The following TMEM266 variants were observed in gnomAD, a reference collection of about 807,000 sequenced individuals.
TMEM266 encodes Hv1 related protein 1.
TMEM266 carries 33 observed loss-of-function variants against 50.5 expected under a neutral mutation model. That is an observed-to-expected ratio of 0.65 (90% CI 0.50 to 0.87). The LOEUF is 0.87. TMEM266 is among the 40% of genes least tolerant of loss of function. The probability of loss-of-function intolerance (pLI) is 0.00; values close to 1 mark genes in which losing one functional copy is unlikely to be tolerated. For missense variants in TMEM266, 655 were observed against 695.1 expected (o/e 0.94, Z 0.65); for synonymous variants, 310 against 292.3 (o/e 1.06, Z -0.62).
At chr15:76,152,580 C>G (rs996845647) in intron 3 of TMEM266, among the ~76,000 whole-genome samples, 1 of 152,194 alleles carries the variant, frequency 6.6e-6, no homozygotes, top group African/African-American at 2.4e-5. Context: ...GTTTCTCATA[C>G]TGGAGGTACT....
chr15:76,144,086 A>T (rs927373708), intron 3 of TMEM266, among the ~76,000 whole-genome samples: 1 of 152,168 alleles, frequency 6.6e-6, no homozygotes, highest in African/African-American at 2.4e-5. Context: ...CAGCACTCAG[A>T]TCCAGCCTGA....
chr15:76,185,737 T>C (rs535346361), intron 8 of TMEM266, among the ~76,000 whole-genome samples: 1 of 152,338 alleles, frequency 6.6e-6, no homozygotes, highest in East Asian at 1.9e-4. Flanking sequence ...GTTATCCTTC[T>C]CTGAAGAGAT....
intron 7 of TMEM266, among the ~76,000 whole-genome samples, chr15:76,172,355 G>T (rs573569913): frequency 9.6e-4 from 146 of 152,350 alleles, no homozygotes; most frequent in Non-Finnish European, 1.7e-3. Flanking sequence ...CTGGAGCACG[G>T]TTTTAAAACC....
At chr15:76,184,251 A>AT (rs982418373) in intron 8 of TMEM266, among the ~76,000 whole-genome samples, 41 of 152,206 alleles carry the variant, frequency 2.7e-4, no homozygotes, top group African/African-American at 9.9e-4. Flanking sequence ...GGGAAGTGAA[A>AT]TTTTTTTTAA....
chr15:76,192,447 G>A (rs990810654), intron 9 of TMEM266, among the ~76,000 whole-genome samples: 2 of 152,172 alleles, frequency 1.3e-5, no homozygotes, highest in Admixed American at 6.5e-5. Context: ...CTGTCCTCGC[G>A]GTAGCCGGAG....
intron 1 of TMEM266, among the ~76,000 whole-genome samples, chr15:76,102,837 C>T (rs2201829): frequency 0.055 from 7,126 of 129,778 alleles, 615 homozygotes; most frequent in African/African-American, 0.19. Flanking sequence ...AGACCCTTAT[C>T]TCCAAAAAAA....
rs757660184 is a variant in TMEM266, at chr15:76,204,195, CTTCACTGTCTTTCAGATCAGG to C, written c.1477_1497del (p.Phe493_Arg499del). Reference sequence around the variant, plus strand: ...TGTTCAACCAGAAGAACCAGGAGGGCTTCACTGTCTTTCAGATCAGGCCTGTCATCCACTTCCAGCCCACTG... The same window carrying C: ...TGTTCAACCAGAAGAACCAGGAGGGCCCTGTCATCCACTTCCAGCCCACTG... On this transcript the variant is annotated inframe_deletion, in exon 11 of 11. Coordinates refer to ENST00000388942, the MANE Select transcript of TMEM266 (RefSeq NM_152335.3). 1.2e-6 allele frequency: 2 copies of C among 1,613,932 alleles called. No individual in the cohort carries two copies. The highest frequency in any genetic ancestry group is 3.3e-5 in the Admixed American group (2 of 60,028).
At chr15:76,106,112 C>T (rs748797889) in intron 1 of TMEM266, among the ~76,000 whole-genome samples, 4 of 152,164 alleles carry the variant, frequency 2.6e-5, no homozygotes, top group Non-Finnish European at 5.9e-5. Flanking sequence ...TGTGTTCATC[C>T]TCCCTCTGCA....
chr15:76,171,854 C>G (rs970219324), intron 7 of TMEM266, among the ~76,000 whole-genome samples: 1 of 152,120 alleles, frequency 6.6e-6, no homozygotes, highest in Admixed American at 6.5e-5. Flanking sequence ...GGTGACAGAC[C>G]AGAGTGAGTG....
At position 76,175,677 on chromosome 15, in the gene TMEM266, A is replaced by G; in HGVS notation, c.768+3A>G. 3 of 1,611,710 alleles carry G rather than the reference A, an allele frequency of 1.9e-6. No individual in the cohort carries two copies. Among genetic ancestry groups the G allele is most frequent in the Non-Finnish European group, 2.5e-6 (3 of 1,177,926 alleles). ...CGCAGATCTGTCAGGAGCAAGGGGT[A>G]ATGCACTGCCACTTTCGGCTCTGTC... On this transcript the variant is annotated splice_donor_region_variant and intron_variant, in intron 8 of 10. Transcript: ENST00000388942.
At chr15:76,078,063 A>G (rs2141988761) in intron 1 of TMEM266, among the ~76,000 whole-genome samples, 1 of 152,164 alleles carries the variant, frequency 6.6e-6, no homozygotes, top group East Asian at 1.9e-4. Flanking sequence ...TGTGGATGGT[A>G]GTGGGGCAGT....
At chr15:76,110,859 A>C (rs1567154336) in intron 1 of TMEM266, among the ~76,000 whole-genome samples, 1 of 152,250 alleles carries the variant, frequency 6.6e-6, no homozygotes, top group Non-Finnish European at 1.5e-5. Flanking sequence ...GAAAATATAC[A>C]GATGTCAAAT....
At position 76,204,205 on chromosome 15, in the gene TMEM266, T is replaced by C. The variant is rs969709170; in HGVS notation, c.1486T>C (p.Phe496Leu). 2 of 1,613,854 alleles carry C rather than the reference T, an allele frequency of 1.2e-6. No homozygotes were observed. The highest frequency in any genetic ancestry group is 2.7e-5 in the African/African-American group (2 of 74,934). The change falls in exon 11 of 11, where the codon TTT (phenylalanine) becomes CTT (leucine). Residue 496 changes from phenylalanine (F) to leucine (L), a missense_variant. Transcript: ENST00000388942. ...TVFQIRPVIHFQPTVPMLEDK... is the reference protein window; with the variant it reads ...TVFQIRPVIHLQPTVPMLEDK... ...GAAGAACCAGGAGGGCTTCACTGTC[T>C]TTCAGATCAGGCCTGTCATCCACTT...
At chr15:76,143,907 G>T (rs2955725) in intron 3 of TMEM266, among the ~76,000 whole-genome samples, 18,975 of 152,076 alleles carry the variant, frequency 0.12, 3,417 homozygotes, top group African/African-American at 0.4. Context: ...TCCCGACTTA[G>T]ATCCAGCTAC....
chr15:76,191,677 T>C (rs2038572158), intron 8 of TMEM266: 3 of 359,346 alleles, frequency 8.3e-6, no homozygotes, highest in Admixed American at 4.9e-5. Context: ...CCAGTGGCCT[T>C]TCCACAAAGG....
At chr15:76,104,729 C>T (rs569522453) in intron 1 of TMEM266, among the ~76,000 whole-genome samples, 1 of 151,972 alleles carries the variant, frequency 6.6e-6, no homozygotes, top group Non-Finnish European at 1.5e-5. Flanking sequence ...TGAACAGAGG[C>T]GTTGGATGTG....
intron 2 of TMEM266, among the ~76,000 whole-genome samples, chr15:76,136,717 G>A (rs1158714040): frequency 2.0e-5 from 3 of 152,180 alleles, no homozygotes; most frequent in Non-Finnish European, 2.9e-5. Flanking sequence ...TGGATGGACC[G>A]AAGATGGTGC....
At chr15:76,067,998 A>C (rs1166799824) in intron 1 of TMEM266, among the ~76,000 whole-genome samples, 1 of 152,192 alleles carries the variant, frequency 6.6e-6, no homozygotes, top group Non-Finnish European at 1.5e-5. Context: ...ATAAAGTAGG[A>C]CTGACAAGGT....
At chr15:76,182,550 A>G (rs1023451240) in intron 8 of TMEM266, among the ~76,000 whole-genome samples, 2 of 152,102 alleles carry the variant, frequency 1.3e-5, no homozygotes, top group Non-Finnish European at 2.9e-5. Context: ...AGGCTGAGGC[A>G]GGAGAATGGC....
Sources: allele counts gnomAD v4.1 joint callset (sites outside exome capture counted in the v4.1 genomes callset), GRCh38; gene constraint gnomAD v4.1.1; transcripts MANE v1.5; gene names NCBI Gene and HGNC (gene_info 2026-07-23, HGNC 2026-07-21).